GPHN: variants seen among roughly 807,000 people sequenced by gnomAD.
GPHN encodes the protein gephyrin.
GPHN carries 17 observed loss-of-function variants against 95.5 expected under a neutral mutation model. That is an observed-to-expected ratio of 0.18 (90% confidence interval 0.12 to 0.27). GPHN has a LOEUF of 0.27. Ranked by LOEUF, GPHN falls within the 10% of genes least tolerant of loss-of-function variation. The pLI is 1.00. For synonymous variants in GPHN, 320 were observed against 322.5 expected, an observed-to-expected ratio of 0.99 and a Z score of 0.08; for missense variants, 660 against 978.1, an observed-to-expected ratio of 0.67 and a Z score of 4.34.
At chr14:66,862,728 T>C (rs1232976466) in intron 4 of GPHN, among the ~76,000 whole-genome samples, 1 of 152,104 alleles carries the variant, frequency 6.6e-6, no homozygotes, top group Non-Finnish European at 1.5e-5. Flanking sequence ...AAAAACTATA[T>C]GATCATTTTA....
chr14:66,571,674 G>C (rs539353886), intron 1 of GPHN, among the ~76,000 whole-genome samples: 20 of 152,210 alleles, frequency 1.3e-4, no homozygotes, highest in African/African-American at 4.8e-4. Flanking sequence ...AGCCAGGCGT[G>C]GTGGCAGGCA....
the GPHN span, chr14:67,657,291 G>A: frequency 6.6e-6 from 1 of 152,072 alleles, no homozygotes; most frequent in Admixed American, 6.5e-5. Context: ...AAACGTATGT[G>A]GTTACCCTCT....
the GPHN span, among the ~76,000 whole-genome samples, chr14:67,325,292 A>G: frequency 4.1e-3 from 618 of 152,216 alleles, 19 homozygotes; most frequent in East Asian, 0.06. Flanking sequence ...CTCTATGTCT[A>G]CTTAACATTT....
chr14:67,174,120 C>A (rs571151976), intron 21 of GPHN, among the ~76,000 whole-genome samples: 1 of 152,170 alleles, frequency 6.6e-6, no homozygotes, highest in Non-Finnish European at 1.5e-5. Context: ...ATGTGCACAA[C>A]GTGCAGGTTT....
the GPHN span, among the ~76,000 whole-genome samples, chr14:67,245,532 T>C: frequency 2.0e-5 from 3 of 152,158 alleles, no homozygotes; most frequent in African/African-American, 7.2e-5. Flanking sequence ...CCTTTTTTCT[T>C]TAGGGATGGG....
At chr14:67,579,775 C>T in the GPHN span, 1 of 1,612,742 alleles carries the variant, frequency 6.2e-7, no homozygotes, top group Non-Finnish European at 8.5e-7. Flanking sequence ...GCGGCTGAAC[C>T]AGGAGATAGG....
chr14:67,188,496 G>A, the GPHN span, among the ~76,000 whole-genome samples: 2 of 152,184 alleles, frequency 1.3e-5, no homozygotes, highest in African/African-American at 4.8e-5. Flanking sequence ...TGGCCCTTGG[G>A]CAGGAAGAAC....
At chr14:67,241,751 C>T in the GPHN span, 1 of 152,146 alleles carries the variant, frequency 6.6e-6, no homozygotes, top group South Asian at 2.1e-4. Flanking sequence ...CGGAGCAACG[C>T]TGCCTGCGCG....
chr14:67,270,429 TTTC>T, the GPHN span: 3 of 152,212 alleles, frequency 2.0e-5, no homozygotes, highest in South Asian at 6.2e-4. Flanking sequence ...GCTTTCTTTC[TTTC>T]TTATTTTTTT....
chr14:66,929,873 G>T (rs568315142), intron 8 of GPHN, among the ~76,000 whole-genome samples: 1 of 151,886 alleles, frequency 6.6e-6, no homozygotes, highest in Non-Finnish European at 1.5e-5. Context: ...CACCACGCCC[G>T]GCTAATTTTT....
chr14:66,685,557 A>T (rs2067293419), intron 2 of GPHN, among the ~76,000 whole-genome samples: 1 of 152,140 alleles, frequency 6.6e-6, no homozygotes, highest in African/African-American at 2.4e-5. Context: ...TTCTTCTGAG[A>T]AGTGTCTGTT....
intron 3 of GPHN, among the ~76,000 whole-genome samples, chr14:66,792,149 G>A (rs1015072457): frequency 1.3e-5 from 2 of 152,126 alleles, no homozygotes; most frequent in Admixed American, 1.3e-4. Context: ...GATTTGAGTA[G>A]GGACATAGCT....
intron 10 of GPHN, among the ~76,000 whole-genome samples, chr14:67,036,504 C>CAT (rs928121783): frequency 4.7e-5 from 6 of 126,990 alleles, no homozygotes; most frequent in African/African-American, 1.6e-4. Flanking sequence ...CATACATGCA[C>CAT]ACACACACAC....
chr14:67,050,035 G>A (rs1388159665), intron 10 of GPHN, among the ~76,000 whole-genome samples: 2 of 152,074 alleles, frequency 1.3e-5, no homozygotes, highest in Admixed American at 6.6e-5. Flanking sequence ...TATATCCAAA[G>A]GTCCTTGTGT....
At chr14:67,341,251 A>G in the GPHN span, among the ~76,000 whole-genome samples, 3 of 141,190 alleles carry the variant, frequency 2.1e-5, no homozygotes, top group Admixed American at 7.0e-5. Flanking sequence ...CCGGCCGCCC[A>G]TCGTCTGAGA....
chr14:67,096,915 A>C (rs1324261368), intron 12 of GPHN, among the ~76,000 whole-genome samples: 4 of 152,034 alleles, frequency 2.6e-5, no homozygotes, highest in African/African-American at 9.7e-5. Context: ...TGTTGACTCA[A>C]ATTTTGAAGG....
the GPHN span, among the ~76,000 whole-genome samples, chr14:67,352,513 G>A: frequency 6.6e-6 from 1 of 152,046 alleles, no homozygotes; most frequent in Non-Finnish European, 1.5e-5. Context: ...ATAAGGAATT[G>A]TGAGAGAAGC....
the GPHN span, among the ~76,000 whole-genome samples, chr14:67,679,629 C>T: frequency 6.6e-6 from 1 of 152,150 alleles, no homozygotes; most frequent in African/African-American, 2.4e-5. Context: ...GTCTCGAACT[C>T]CTGACCTCAA....
intron 1 of GPHN, among the ~76,000 whole-genome samples, chr14:66,558,694 TACTA>T (rs1239952774): frequency 3.3e-5 from 5 of 152,264 alleles, no homozygotes; most frequent in African/African-American, 1.2e-4. Context: ...ATGCTATTCT[TACTA>T]AGTTAATCTT....
Sources: gnomAD v4.1 joint callset for allele counts (sites outside exome capture counted in the v4.1 genomes callset) on GRCh38, gnomAD v4.1.1 for gene constraint, MANE v1.5 for transcripts, NCBI Gene and HGNC (gene_info 2026-07-23, HGNC 2026-07-21) for gene names.